SSBP3: variants seen among roughly 807,000 people sequenced by gnomAD.
SSBP3 encodes single-stranded DNA-binding protein 3.
SSBP3 carries 5 observed loss-of-function variants against 69.6 expected under a neutral mutation model. The observed-to-expected ratio is 0.07, with a 90% confidence interval of 0.04 to 0.15. SSBP3 has a LOEUF of 0.15. Ranked by LOEUF, SSBP3 falls within the 10% of genes least tolerant of loss-of-function variation. The pLI, the probability that SSBP3 is intolerant of heterozygous loss-of-function variation, is 1.00. For missense variants in SSBP3, 312 were observed against 534.0 expected (o/e 0.58, Z 4.10); for synonymous variants, 196 against 193.4 (o/e 1.01, Z -0.11).
At chr1:54,266,631 T>G (rs1645107362) in intron 5 of SSBP3, among the ~76,000 whole-genome samples, 1 of 152,226 alleles carries the variant, frequency 6.6e-6, no homozygotes, top group African/African-American at 2.4e-5. Context: ...CACTTTGATT[T>G]TAACCTCACA....
At chr1:54,234,359 AAAAAATAAATAAAAATAAAAAAT>A (rs1487642293) in intron 14 of SSBP3, among the ~76,000 whole-genome samples, 7 of 150,376 alleles carry the variant, frequency 4.7e-5, no homozygotes. Context: ...AATAAATTAA[AAAAAATAAATAAAAATAAAAAAT>A]AAAAAATAAA....
chr1:54,298,391 G>T (rs1043998126), intron 4 of SSBP3, among the ~76,000 whole-genome samples: 5 of 152,296 alleles, frequency 3.3e-5, no homozygotes, highest in African/African-American at 1.2e-4. Context: ...GTCCCAGCAA[G>T]GGTGTGGTAC....
At chr1:54,338,843 G>A (rs1369624931) in intron 4 of SSBP3, among the ~76,000 whole-genome samples, 1 of 152,204 alleles carries the variant, frequency 6.6e-6, no homozygotes. Context: ...ACCAGCTGCT[G>A]TGAGCCAACA....
intron 4 of SSBP3, among the ~76,000 whole-genome samples, chr1:54,311,059 C>T (rs900215354): frequency 6.6e-5 from 10 of 152,150 alleles, no homozygotes; most frequent in East Asian, 3.9e-4. Context: ...GTCTATTTCG[C>T]GGACCCTAAT....
chr1:54,402,288 T>C (rs1481170037), intron 3 of SSBP3, among the ~76,000 whole-genome samples: 4 of 152,222 alleles, frequency 2.6e-5, no homozygotes, highest in African/African-American at 9.6e-5. Flanking sequence ...TAGTAGAACC[T>C]ACTCATGGAT....
Position 54,343,046 on chromosome 1 carries a change from A to G in SSBP3, c.276+58815T>C, listed in dbSNP as rs755720772. On this transcript the variant is annotated intron_variant, in intron 4 of 17. Coordinates refer to ENST00000610401, the Ensembl canonical transcript of SSBP3. ...GGTTTTCAGGAACAGGATTTTACACATTTCCCAGGATTGGCGGATCTGCGC... is the reference window on the plus strand; with the variant it reads ...GGTTTTCAGGAACAGGATTTTACACGTTTCCCAGGATTGGCGGATCTGCGC... 7.9e-5 allele frequency among the ~76,000 whole-genome samples: 12 copies of G among 152,066 alleles called. No homozygotes were observed. In the East Asian group the frequency reaches 1.2e-3, roughly 15 times the overall value.
chr1:54,305,547 G>A (rs574362498), intron 4 of SSBP3, among the ~76,000 whole-genome samples: 2 of 151,436 alleles, frequency 1.3e-5, no homozygotes, highest in Non-Finnish European at 2.9e-5. Context: ...TCCTTTGCCA[G>A]ACTGGGCAAT....
intron 13 of SSBP3, among the ~76,000 whole-genome samples, chr1:54,240,126 C>CGT (rs1644602550): frequency 1.7e-5 from 2 of 115,284 alleles, no homozygotes; most frequent in Admixed American, 8.7e-5. Context: ...GCGCGCAACA[C>CGT]ATGCCCACGT....
intron 4 of SSBP3, among the ~76,000 whole-genome samples, chr1:54,381,382 CAAAAA>C (rs59809996): frequency 5.8e-5 from 4 of 69,458 alleles, no homozygotes; most frequent in African/African-American, 8.4e-5. Flanking sequence ...TACACCATCT[CAAAAA>C]AAAAAAAAAA....
rs59276509 is a variant in SSBP3, at chr1:54,396,193, GAAAAAAAAAA to G, written c.276+5658_276+5667del. ...GGTGACAGAGTGAGACTCCATCTCA[GAAAAAAAAAA>G]AAAAAAAAAAAAAAAACAACCCCAT... On this transcript the variant is annotated intron_variant, in intron 4 of 17. Coordinates refer to ENST00000610401, the Ensembl canonical transcript of SSBP3. Among the ~76,000 whole-genome samples the G allele has an allele frequency of 9.3e-3, 376 of 40,576 alleles. 4 individuals are homozygous for G. Among genetic ancestry groups the G allele is most frequent in the Middle Eastern group, 0.012 (1 of 82 alleles). 26.6% of individuals were successfully genotyped at this position (40,576 alleles called of 152,430 possible). A position where few individuals can be genotyped will look rare whatever the true frequency, so the allele number is the denominator to read the frequency against.
chr1:54,369,865 C>T (rs750773629), intron 4 of SSBP3, among the ~76,000 whole-genome samples: 1 of 152,104 alleles, frequency 6.6e-6, no homozygotes, highest in Non-Finnish European at 1.5e-5. Flanking sequence ...CTGGGCACAA[C>T]ATTGCTCCAT....
chr1:54,385,159 C>G (rs139475909), intron 4 of SSBP3, among the ~76,000 whole-genome samples: 4 of 152,310 alleles, frequency 2.6e-5, no homozygotes, highest in Non-Finnish European at 4.4e-5. Flanking sequence ...CAGTCCCTCC[C>G]CAGATGGACT....
intron 5 of SSBP3, among the ~76,000 whole-genome samples, chr1:54,279,937 C>G (rs768651102): frequency 6.6e-6 from 1 of 152,210 alleles, no homozygotes; most frequent in Non-Finnish European, 1.5e-5. Context: ...CCTAGCAATG[C>G]CTGGTCCAGT....
At chr1:54,292,220 C>T (rs1290106655) in intron 4 of SSBP3, among the ~76,000 whole-genome samples, 1 of 152,204 alleles carries the variant, frequency 6.6e-6, no homozygotes. Context: ...AAATGGCAGT[C>T]CTGGGATTCA....
At chr1:54,369,220 G>GGGGC (rs1553146712) in intron 4 of SSBP3, among the ~76,000 whole-genome samples, 1 of 149,452 alleles carries the variant, frequency 6.7e-6, no homozygotes, top group African/African-American at 2.5e-5. Flanking sequence ...TCTTGAGTCG[G>GGGGC]GGGGGGGGCC....
intron 3 of SSBP3, among the ~76,000 whole-genome samples, chr1:54,404,195 T>C (rs1259555012): frequency 1.3e-5 from 2 of 152,034 alleles, no homozygotes; most frequent in Non-Finnish European, 2.9e-5. Flanking sequence ...GACAGGCTAG[T>C]TGTAAAACAG....
At chr1:54,375,214 A>C (rs1283977003) in intron 4 of SSBP3, among the ~76,000 whole-genome samples, 1 of 152,184 alleles carries the variant, frequency 6.6e-6, no homozygotes, top group African/African-American at 2.4e-5. Flanking sequence ...AGACAGCCTG[A>C]CAGTGCTGAA....
chr1:54,283,345 A>G (rs986924333), intron 4 of SSBP3, among the ~76,000 whole-genome samples: 4 of 152,060 alleles, frequency 2.6e-5, no homozygotes. Context: ...GGTAATGTGC[A>G]AATCTCACTA....
intron 4 of SSBP3, among the ~76,000 whole-genome samples, chr1:54,298,592 A>G (rs1453643978): frequency 6.6e-6 from 1 of 152,088 alleles, no homozygotes; most frequent in Non-Finnish European, 1.5e-5. Context: ...TTCTTTTCGT[A>G]GCTTTAGAGC....
Sources: gnomAD v4.1 joint callset for allele counts (sites outside exome capture counted in the v4.1 genomes callset) on GRCh38, gnomAD v4.1.1 for gene constraint, MANE v1.5 for transcripts, NCBI Gene and HGNC (gene_info 2026-07-23, HGNC 2026-07-21) for gene names.